Variants in SVOP observed in about 807,000 individuals in gnomAD.
The protein encoded by SVOP is SV2 related protein.
In SVOP, 17 loss-of-function variants were observed where a neutral mutation model predicts 69.1. The observed-to-expected ratio is 0.25, with a 90% confidence interval of 0.17 to 0.37. SVOP has a LOEUF of 0.37. Among genes scored for constraint, SVOP ranks in the 10% least tolerant of loss-of-function variants. SVOP has a pLI of 1.00. For synonymous variants in SVOP, 238 were observed against 238.6 expected, an observed-to-expected ratio of 1.00 and a Z score of 0.02; for missense variants, 435 against 597.5, an observed-to-expected ratio of 0.73 and a Z score of 2.84.
At chr12:108,945,300 T>C (rs1371077949) in intron 6 of SVOP, 134 bp from the exon 7 acceptor site, 5 of 804,008 alleles carry the variant, frequency 6.2e-6, no homozygotes, top group Non-Finnish European at 1.0e-5. Flanking sequence ...TTTCCTGAGA[T>C]GATGTTGGTT....
At chr12:108,964,850 C>G (rs569988208) in intron 5 of SVOP, among the ~76,000 whole-genome samples, 1 of 152,030 alleles carries the variant, frequency 6.6e-6, no homozygotes, top group Non-Finnish European at 1.5e-5. Flanking sequence ...ATTGAGCATC[C>G]CCTTTATATA....
At position 108,980,362 on chromosome 12, in the gene SVOP, G is replaced by A. The variant is rs997162925; in HGVS notation, c.197-1699C>T. On this transcript the variant is annotated intron_variant, in intron 2 of 15. Coordinates refer to ENST00000610966, the MANE Select transcript of SVOP (RefSeq NM_018711.5). ...TTTAGTTTAGTTGTTAACATTAGGG[G>A]AGGCTGGGTAAAGGGTATGTGAGAA... Among the ~76,000 whole-genome samples, 5 of 152,192 alleles carry A rather than the reference G, an allele frequency of 3.3e-5. No homozygotes were observed. The East Asian group carries it at 9.6e-4, about 29-fold the overall frequency.
At chr12:108,937,190 T>C in intron 10 of SVOP, 74 bp downstream of exon 10, 3 of 1,477,444 alleles carry the variant, frequency 2.0e-6, no homozygotes, top group East Asian at 2.3e-5. Flanking sequence ...TATCTGTCCA[T>C]TGCATTAAAA....
chr12:108,912,720 A>G lies in SVOP; in HGVS notation c.1462T>C (p.Tyr488His), dbSNP rs767708273. ...CCACTGTAAACTGCCAGAGTCAGGT[A>G]CACAGAGGATTCCAGCATCACCTAG... ...IAQVMLESSVYLTLAVYSGCC... is the reference protein window; with the variant it reads ...IAQVMLESSVHLTLAVYSGCC... The change falls in exon 16 of 16, where the codon TAC becomes CAC. Residue 488 changes from tyrosine to histidine, a missense_variant. By Grantham distance (83) the Tyr-to-His change is moderately conservative. Transcript: ENST00000610966. The G allele has an allele frequency of 6.2e-7, 1 of 1,613,938 alleles. No individual in the cohort carries two copies. The highest frequency in any genetic ancestry group is 1.7e-5 in the Admixed American group (1 of 60,028).
intron 5 of SVOP, among the ~76,000 whole-genome samples, chr12:108,966,844 G>A (rs776550835): frequency 1.3e-5 from 2 of 152,088 alleles, no homozygotes. Context: ...GTCTCCCAGC[G>A]GCCAAGGTCA....
chr12:108,945,453 A>T (rs2039916945), intron 6 of SVOP, among the ~76,000 whole-genome samples: 2 of 152,044 alleles, frequency 1.3e-5, no homozygotes, highest in Non-Finnish European at 2.9e-5. Flanking sequence ...GCTGAAGTGC[A>T]ATCATAGCTC....
intron 11 of SVOP, among the ~76,000 whole-genome samples, chr12:108,932,857 A>G (rs1268055275): frequency 6.6e-6 from 1 of 152,108 alleles, no homozygotes; most frequent in East Asian, 1.9e-4. Context: ...GGAAATCAAA[A>G]TATTTTACTC....
rs1005764466 is a variant in SVOP, at chr12:108,985,064, A to C, written c.36-1303T>G. Among the ~76,000 whole-genome samples, 154 of 151,982 alleles carry C rather than the reference A, an allele frequency of 1.0e-3. 4 individuals are homozygous for C. The South Asian group carries it at 0.02, about 20-fold the overall frequency. The stretch of plus-strand genomic sequence containing the variant: ...CAACATAGTGAGATGCCATCTCTAC[A>C]AAAAAGAAAAAAATTAGTTGGACAT... On this transcript the variant is annotated intron_variant, in intron 1 of 15. Coordinates refer to ENST00000610966, the MANE Select transcript of SVOP (RefSeq NM_018711.5).
chr12:108,964,560 C>T (rs1021831241), intron 5 of SVOP, among the ~76,000 whole-genome samples: 5 of 152,008 alleles, frequency 3.3e-5, no homozygotes, highest in African/African-American at 1.2e-4. Context: ...TTGCAGCTGG[C>T]TCTGCATTTG....
intron 1 of SVOP, among the ~76,000 whole-genome samples, chr12:108,988,510 C>A (rs1192863952): frequency 2.0e-5 from 3 of 152,078 alleles, no homozygotes; most frequent in Non-Finnish European, 4.4e-5. Context: ...ATCTTGGCAC[C>A]ATTTTGAAAA....
At chr12:108,935,012 C>A (rs560645355) in intron 10 of SVOP, among the ~76,000 whole-genome samples, 9 of 152,122 alleles carry the variant, frequency 5.9e-5, no homozygotes, top group African/African-American at 2.2e-4. Context: ...ATCCAAAAAC[C>A]CTCTCTTGGG....
At chr12:108,952,964 A>C (rs1271418020) in intron 6 of SVOP, among the ~76,000 whole-genome samples, 1 of 152,116 alleles carries the variant, frequency 6.6e-6, no homozygotes, top group Non-Finnish European at 1.5e-5. Context: ...TCAATGGACC[A>C]AGTAAGTTAG....
chr12:108,999,036 G>C (rs2040252939), intron 1 of SVOP, among the ~76,000 whole-genome samples: 1 of 137,670 alleles, frequency 7.3e-6, no homozygotes, highest in Non-Finnish European at 1.6e-5. Flanking sequence ...AAAGAGTCAA[G>C]ACCCATCAGT....
chr12:108,935,226 G>A (rs1455778579), intron 10 of SVOP, among the ~76,000 whole-genome samples: 3 of 152,180 alleles, frequency 2.0e-5, no homozygotes, highest in East Asian at 1.9e-4. Context: ...GAATGACACC[G>A]TTTATTAATT....
Position 108,988,742 on chromosome 12 carries a change from A to G in SVOP, c.36-4981T>C, listed in dbSNP as rs1312022308. On this transcript the variant is annotated intron_variant, in intron 1 of 15. Transcript: ENST00000610966. ...TGAATCTTCAGGTAGATTTCCCTTT[A>G]TTTCTTCCTTTCTTACTTCTTTTCT... Among the ~76,000 whole-genome samples, 5 of 27,382 alleles carry G rather than the reference A, an allele frequency of 1.8e-4. No individual in the cohort carries two copies. The East Asian group carries it at 4.9e-3, about 27-fold the overall frequency. 18.0% of individuals were successfully genotyped at this position (27,382 alleles called of 152,430 possible).
chr12:108,931,592 G>A (rs1389481477), intron 11 of SVOP, among the ~76,000 whole-genome samples: 4 of 152,172 alleles, frequency 2.6e-5, no homozygotes, highest in Non-Finnish European at 4.4e-5. Context: ...CCAGCACCTC[G>A]GGAGGCCGAG....
chr12:108,989,808 C>T (rs2040189087), intron 1 of SVOP, among the ~76,000 whole-genome samples: 1 of 152,188 alleles, frequency 6.6e-6, no homozygotes, highest in Non-Finnish European at 1.5e-5. Context: ...AAGCACGAGA[C>T]AAATGTGAGG....
intron 12 of SVOP, among the ~76,000 whole-genome samples, chr12:108,922,316 A>C (rs1207643487): frequency 6.6e-6 from 1 of 152,196 alleles, no homozygotes; most frequent in African/African-American, 2.4e-5. Context: ...AGCTGTGTTG[A>C]AAATCCATTG....
At chr12:109,018,804 G>T (rs1238186735) in intron 1 of SVOP, among the ~76,000 whole-genome samples, 1 of 152,172 alleles carries the variant, frequency 6.6e-6, no homozygotes. Context: ...TGATTTTTCA[G>T]ATGTAATAAT....
Sources: allele counts gnomAD v4.1 joint callset (sites outside exome capture counted in the v4.1 genomes callset), GRCh38; gene constraint gnomAD v4.1.1; transcripts MANE v1.5; gene names NCBI Gene and HGNC (gene_info 2026-07-23, HGNC 2026-07-21).